ALK: variants seen among roughly 807,000 people sequenced by gnomAD.
ALK encodes ALK receptor tyrosine kinase.
Under a neutral mutation model 163.1 loss-of-function variants are expected in ALK, and 74 were observed. That is an observed-to-expected ratio of 0.45 (90% CI 0.38 to 0.55). The LOEUF (loss-of-function observed/expected upper bound fraction) is 0.55. Ranked by LOEUF, ALK falls within the 20% of genes least tolerant of loss-of-function variation. The pLI is 0.00. For synonymous variants in ALK, 960 were observed against 843.2 expected (o/e 1.14, Z -2.40); for missense variants, 2,063 against 2,105.3 (o/e 0.98, Z 0.39).
At position 29,328,609 on chromosome 2, in the gene ALK, G is replaced by A. The variant is rs963352240; in HGVS notation, c.1283-128C>T. On this transcript the variant is annotated intron_variant, in intron 5 of 28. Coordinates refer to ENST00000389048, the MANE Select transcript of ALK (RefSeq NM_004304.5). ...TCCTGCCCTGCCATTCACACTCCAA[G>A]GCCTGATTGAGACATCTGCATCTCC... The A allele has an allele frequency of 1.4e-4, 185 of 1,285,208 alleles. No homozygotes were observed. In the South Asian group the frequency reaches 1.9e-3, roughly 13 times the overall value. 79.6% of individuals were successfully genotyped at this position (1,285,208 alleles called of 1,614,324 possible).
intron 5 of ALK, among the ~76,000 whole-genome samples, chr2:29,343,826 C>T (rs1667870538): frequency 6.6e-6 from 1 of 152,218 alleles, no homozygotes; most frequent in African/African-American, 2.4e-5. Flanking sequence ...AGGGCTGCTT[C>T]AGACTGGCAG....
At chr2:29,328,255 A>G (rs998633708) in intron 6 of ALK, 95 bp downstream of exon 6, 2 of 1,574,082 alleles carry the variant, frequency 1.3e-6, no homozygotes, top group Non-Finnish European at 1.7e-6. Context: ...GATATCAGGA[A>G]GGCTGTCCAT....
At chr2:29,210,158 C>T (rs1669425498) in intron 24 of ALK, among the ~76,000 whole-genome samples, 1 of 152,088 alleles carries the variant, frequency 6.6e-6, no homozygotes, top group South Asian at 2.1e-4. Flanking sequence ...ATTTATTAGC[C>T]TTTTACTAGG....
intron 1 of ALK, among the ~76,000 whole-genome samples, chr2:29,891,140 T>C (rs1667134265): frequency 6.6e-6 from 1 of 152,208 alleles, no homozygotes; most frequent in Admixed American, 6.5e-5. Context: ...TAAGTATTTA[T>C]CAAATTGGAA....
intron 3 of ALK, among the ~76,000 whole-genome samples, chr2:29,611,289 C>T (rs534544157): frequency 3.3e-5 from 5 of 152,298 alleles, no homozygotes; most frequent in African/African-American, 1.2e-4. Context: ...CTTTCTCTGG[C>T]TCTCCTTAAG....
chr2:29,760,399 T>C (rs1038268845), intron 1 of ALK, among the ~76,000 whole-genome samples: 68 of 152,168 alleles, frequency 4.5e-4, no homozygotes, highest in African/African-American at 1.4e-3. Flanking sequence ...TACATTCTTA[T>C]AGAGTGATAA....
At chr2:29,643,728 C>A (rs573458995) in intron 3 of ALK, among the ~76,000 whole-genome samples, 1 of 152,088 alleles carries the variant, frequency 6.6e-6, no homozygotes, top group Non-Finnish European at 1.5e-5. Context: ...CTATAACAAT[C>A]GAAATCTAGT....
At chr2:29,332,144 G>A (rs1271373231) in intron 5 of ALK, among the ~76,000 whole-genome samples, 1 of 151,416 alleles carries the variant, frequency 6.6e-6, no homozygotes, top group Non-Finnish European at 1.5e-5. Flanking sequence ...AAATTAGCCG[G>A]GTGTGATGGC....
At chr2:29,265,015 T>TG (rs145733469) in intron 11 of ALK, among the ~76,000 whole-genome samples, 6,660 of 152,126 alleles carry the variant, frequency 0.044, 198 homozygotes, top group Non-Finnish European at 0.065. Flanking sequence ...CTGTTTTTTT[T>TG]TTGTTGTTGT....
chr2:29,204,916 CT>C (rs1215162443), intron 26 of ALK, among the ~76,000 whole-genome samples: 1 of 152,082 alleles, frequency 6.6e-6, no homozygotes, highest in African/African-American at 2.4e-5. Flanking sequence ...TGAGGTTGAC[CT>C]TGAGCACCTG....
intron 13 of ALK, among the ~76,000 whole-genome samples, chr2:29,237,892 T>C (rs909284113): frequency 5.9e-5 from 9 of 152,188 alleles, no homozygotes; most frequent in Admixed American, 3.3e-4. Flanking sequence ...ACAGGACAGA[T>C]CCCCGCCCCT....
chr2:29,473,462 G>A (rs1330553382), intron 4 of ALK, among the ~76,000 whole-genome samples: 1 of 152,142 alleles, frequency 6.6e-6, no homozygotes, highest in African/African-American at 2.4e-5. Context: ...CAGATTTGGA[G>A]AAAATATCTG....
chr2:29,704,563 T>C (rs931005535), intron 2 of ALK, among the ~76,000 whole-genome samples: 3 of 152,248 alleles, frequency 2.0e-5, no homozygotes, highest in Non-Finnish European at 2.9e-5. Context: ...CCTATTTTTT[T>C]CTTGAATAAA....
chr2:29,414,952 A>T (rs1176317212), intron 4 of ALK, among the ~76,000 whole-genome samples: 1 of 151,962 alleles, frequency 6.6e-6, no homozygotes, highest in Non-Finnish European at 1.5e-5. Flanking sequence ...ATTCCAGAGG[A>T]TGTCACGTGG....
intron 1 of ALK, among the ~76,000 whole-genome samples, chr2:29,829,758 C>A (rs182646685): frequency 6.6e-6 from 1 of 152,268 alleles, no homozygotes; most frequent in Admixed American, 6.5e-5. Flanking sequence ...GCAAGACTGT[C>A]TCTGATTCTC....
intron 24 of ALK, 35 bp from the exon 25 acceptor site, chr2:29,209,913 C>G: frequency 6.4e-7 from 1 of 1,559,972 alleles, no homozygotes; most frequent in Non-Finnish European, 8.8e-7. Context: ...CTAATTTTAT[C>G]CCTAGGAAGA....
rs533779768 is a variant in ALK, at chr2:29,336,674, C to T, written c.1283-8193G>A. ...CCCATGCATCCTCTGCTCTTTCAAT[C>T]GTGTTTTAGAGATTTGATGCTACAA... On this transcript the variant is annotated intron_variant, in intron 5 of 28. Coordinates refer to ENST00000389048, the MANE Select transcript of ALK (RefSeq NM_004304.5). Among the ~76,000 whole-genome samples the T allele has an allele frequency of 1.6e-3, 242 of 152,320 alleles. 2 individuals carry two copies. The highest frequency in any genetic ancestry group is 5.6e-3 in the African/African-American group (232 of 41,572).
At chr2:29,624,172 C>T (rs966117506) in intron 3 of ALK, among the ~76,000 whole-genome samples, 6 of 23,984 alleles carry the variant, frequency 2.5e-4, no homozygotes, top group African/African-American at 3.2e-4. Context: ...GTCCTGCTCT[C>T]GCTGGTGGTA....
At chr2:29,771,202 C>A (rs555320362) in intron 1 of ALK, among the ~76,000 whole-genome samples, 1 of 152,170 alleles carries the variant, frequency 6.6e-6, no homozygotes, top group Admixed American at 6.5e-5. Context: ...CAAATACACA[C>A]ACACACAAAG....
Sources: allele counts gnomAD v4.1 joint callset (sites outside exome capture counted in the v4.1 genomes callset), GRCh38; gene constraint gnomAD v4.1.1; transcripts MANE v1.5; gene names NCBI Gene and HGNC (gene_info 2026-07-23, HGNC 2026-07-21).